Variants in UNC13C observed in about 807,000 individuals in gnomAD.
UNC13C encodes the protein protein unc-13 homolog C.
UNC13C carries 174 observed loss-of-function variants against 245.4 expected under a neutral mutation model. That is an observed-to-expected ratio of 0.71 (90% CI 0.63 to 0.80). The LOEUF is 0.80. UNC13C is among the 30% of genes least tolerant of loss of function. The pLI is 0.00. For synonymous variants in UNC13C, 992 were observed against 895.1 expected (o/e 1.11, Z -1.93); for missense variants, 2,829 against 2,602.9 (o/e 1.09, Z -1.89).
chr15:54,569,586 ATGTT>A (rs776357986), intron 30 of UNC13C, among the ~76,000 whole-genome samples: 44 of 151,428 alleles, frequency 2.9e-4, no homozygotes, highest in African/African-American at 5.8e-4. Flanking sequence ...ACATCTATGT[ATGTT>A]TGTTTGTGTG....
the UNC13C span, chr15:53,913,850 G>A: frequency 1.3e-5 from 2 of 152,350 alleles, no homozygotes; most frequent in African/African-American, 2.4e-5. Context: ...GGGAGCTACT[G>A]CTGCCTGGAT....
chr15:54,195,638 C>T (rs976716766), intron 4 of UNC13C, among the ~76,000 whole-genome samples: 2 of 152,062 alleles, frequency 1.3e-5, no homozygotes, highest in Admixed American at 6.6e-5. Flanking sequence ...ATTGAGGATC[C>T]CCTAATACTT....
the UNC13C span, among the ~76,000 whole-genome samples, chr15:53,949,688 AAGTATCATCCC>A: frequency 6.6e-6 from 1 of 152,176 alleles, no homozygotes; most frequent in Admixed American, 6.5e-5. Flanking sequence ...ATTTTTCTCA[AAGTATCATCCC>A]AGGACTACCT....
the UNC13C span, among the ~76,000 whole-genome samples, chr15:53,873,927 C>CCTTCCTTCCTTCCTTCCTTT: frequency 1.1e-5 from 1 of 88,746 alleles, no homozygotes; most frequent in African/African-American, 6.7e-5. Flanking sequence ...TTCCTTTCTT[C>CCTTCCTTCCTTCCTTCCTTT]CTTCCTTCCT....
At chr15:53,980,443 T>G (rs1893881595) in intron 1 of UNC13C, among the ~76,000 whole-genome samples, 1 of 152,228 alleles carries the variant, frequency 6.6e-6, no homozygotes, top group African/African-American at 2.4e-5. Context: ...TTATGATGTC[T>G]GTAGGTGAAA....
intron 4 of UNC13C, among the ~76,000 whole-genome samples, chr15:54,227,486 C>T (rs1421835812): frequency 1.3e-5 from 2 of 152,190 alleles, no homozygotes; most frequent in Non-Finnish European, 1.5e-5. Context: ...TGCTGAGCCA[C>T]CTGCAGCACC....
intron 23 of UNC13C, among the ~76,000 whole-genome samples, chr15:54,510,209 A>C (rs2141114935): frequency 6.6e-6 from 1 of 152,286 alleles, no homozygotes; most frequent in South Asian, 2.1e-4. Flanking sequence ...CCTGTTTCTC[A>C]TTATAAGTCA....
chr15:54,364,530 T>C (rs113269379), intron 17 of UNC13C, among the ~76,000 whole-genome samples: 4 of 152,264 alleles, frequency 2.6e-5, no homozygotes, highest in African/African-American at 9.6e-5. Flanking sequence ...CAATTTAGTA[T>C]CATCTTTTGA....
In UNC13C at chr15:54,532,966, A is replaced by C; in HGVS notation, c.5596A>C (p.Asn1866His). The change falls in exon 26 of 33, where the codon AAT becomes CAT. Residue 1866 changes from asparagine to histidine, a missense_variant. Asn to His is a moderately conservative substitution (Grantham distance 68). Transcript: ENST00000260323. ...TATAAAACAGATGAGTTTCGAACTA[A>C]ATCAAATGAGAGCAAATGGAAACAC... The part of the protein sequence containing the change: ...ECIKQMSFEL[N>H]QMRANGNTTS... The C allele has an allele frequency of 6.3e-7, 1 of 1,595,576 alleles. No homozygotes were observed. Among genetic ancestry groups the C allele is most frequent in the African/African-American group, 1.3e-5 (1 of 74,708 alleles).
chr15:54,353,098 A>C lies in UNC13C; in HGVS notation c.4713+14609A>C, dbSNP rs115955250. ...TTTATTCACATATATACAATAAATA[A>C]AATTTGTTGACTTCTTGTTGTGTAC... On this transcript the variant is annotated intron_variant, in intron 17 of 32. Transcript: ENST00000260323. Among the ~76,000 whole-genome samples the C allele has an allele frequency of 8.2e-3, 1,243 of 152,298 alleles. 24 individuals are homozygous for C. Among genetic ancestry groups the C allele is most frequent in the African/African-American group, 0.029 (1,218 of 41,576 alleles).
At chr15:54,306,549 A>G (rs1401742110) in intron 13 of UNC13C, among the ~76,000 whole-genome samples, 1 of 151,912 alleles carries the variant, frequency 6.6e-6, no homozygotes, top group Non-Finnish European at 1.5e-5. Context: ...TAGTGTTTTG[A>G]CAGACTAATT....
At chr15:54,258,109 AC>A (rs1324187339) in intron 8 of UNC13C, among the ~76,000 whole-genome samples, 2 of 151,932 alleles carry the variant, frequency 1.3e-5, no homozygotes, top group Admixed American at 1.3e-4. Flanking sequence ...GATGTTAACC[AC>A]CCACTTTCTT....
At chr15:54,450,806 G>A (rs1891131938) in intron 19 of UNC13C, among the ~76,000 whole-genome samples, 1 of 152,148 alleles carries the variant, frequency 6.6e-6, no homozygotes, top group Non-Finnish European at 1.5e-5. Flanking sequence ...AAGCCCTAGT[G>A]AGATGAACCC....
At chr15:54,066,267 A>G (rs1737841372) in intron 2 of UNC13C, among the ~76,000 whole-genome samples, 1 of 152,220 alleles carries the variant, frequency 6.6e-6, no homozygotes, top group African/African-American at 2.4e-5. Context: ...CATGATGGCC[A>G]GCAGCCTAGC....
intron 10 of UNC13C, among the ~76,000 whole-genome samples, chr15:54,292,223 T>C (rs529092936): frequency 3.9e-5 from 6 of 152,022 alleles, no homozygotes; most frequent in Admixed American, 1.3e-4. Flanking sequence ...GCAAAAGACA[T>C]GGTGTTTCTA....
intron 19 of UNC13C, among the ~76,000 whole-genome samples, chr15:54,455,499 T>C (rs2141016569): frequency 6.7e-6 from 1 of 150,362 alleles, no homozygotes; most frequent in Non-Finnish European, 1.5e-5. Context: ...GTGTTCCTTT[T>C]CAGCACATCC....
chr15:54,499,967 G>C (rs1487746082), intron 20 of UNC13C, 112 bp from the exon 21 acceptor site: 20 of 799,346 alleles, frequency 2.5e-5, no homozygotes, highest in African/African-American at 3.6e-5. Context: ...AAGAGAGAAT[G>C]AAAGGAGATT....
At chr15:54,034,460 G>T (rs1896488959) in intron 2 of UNC13C, among the ~76,000 whole-genome samples, 2 of 152,030 alleles carry the variant, frequency 1.3e-5, no homozygotes, top group Non-Finnish European at 2.9e-5. Flanking sequence ...TGAATTAGTG[G>T]TATTAACTCT....
At chr15:54,592,428 ACCTCATTT>A (rs1898841225) in intron 30 of UNC13C, among the ~76,000 whole-genome samples, 1 of 152,140 alleles carries the variant, frequency 6.6e-6, no homozygotes, top group Non-Finnish European at 1.5e-5. Flanking sequence ...GTTGCTGTCT[ACCTCATTT>A]CCTAGGTCAA....
Sources: allele counts gnomAD v4.1 joint callset (sites outside exome capture counted in the v4.1 genomes callset), GRCh38; gene constraint gnomAD v4.1.1; transcripts MANE v1.5; gene names NCBI Gene and HGNC (gene_info 2026-07-23, HGNC 2026-07-21).